FOXP1: variants seen among roughly 807,000 people sequenced by gnomAD.
The protein encoded by FOXP1 is forkhead box protein P1.
Under a neutral mutation model 98.2 loss-of-function variants are expected in FOXP1, and 15 were observed. That is an observed-to-expected ratio of 0.15 (90% CI 0.10 to 0.24). FOXP1 has a LOEUF of 0.24. Ranked by LOEUF, FOXP1 falls within the 10% of genes least tolerant of loss-of-function variation. The pLI, the probability that FOXP1 is intolerant of heterozygous loss-of-function variation, is 1.00. For missense variants in FOXP1, 633 were observed against 848.5 expected (o/e 0.75, Z 3.15); for synonymous variants, 371 against 314.5 (o/e 1.18, Z -1.90).
At chr3:70,998,780 G>A (rs1423056688) in intron 13 of FOXP1, among the ~76,000 whole-genome samples, 10 of 152,300 alleles carry the variant, frequency 6.6e-5, no homozygotes, top group Admixed American at 1.3e-4. Context: ...AAAACAACAT[G>A]AAAGCTGCCA....
At chr3:71,188,682 G>A (rs1219195530) in intron 6 of FOXP1, among the ~76,000 whole-genome samples, 1 of 152,132 alleles carries the variant, frequency 6.6e-6, no homozygotes, top group African/African-American at 2.4e-5. Flanking sequence ...CCTCCAAAGG[G>A]GATTACAGGC....
chr3:71,278,258 CCT>C (rs1298124591), intron 5 of FOXP1, among the ~76,000 whole-genome samples: 1 of 152,144 alleles, frequency 6.6e-6, no homozygotes, highest in African/African-American at 2.4e-5. Flanking sequence ...TGATATTATT[CCT>C]GTTTTTTACA....
intron 11 of FOXP1, among the ~76,000 whole-genome samples, chr3:71,016,929 T>A (rs1208367466): frequency 6.6e-6 from 1 of 151,974 alleles, no homozygotes; most frequent in African/African-American, 2.4e-5. Context: ...GACTTCTGAA[T>A]AATTTTGCTG....
At chr3:71,133,138 T>C (rs931981152) in intron 6 of FOXP1, among the ~76,000 whole-genome samples, 1 of 152,214 alleles carries the variant, frequency 6.6e-6, no homozygotes, top group Non-Finnish European at 1.5e-5. Context: ...CATTATAAAA[T>C]ATGTTCTTCC....
At chr3:71,084,344 G>C (rs1277254172) in intron 7 of FOXP1, among the ~76,000 whole-genome samples, 1 of 151,556 alleles carries the variant, frequency 6.6e-6, no homozygotes, top group East Asian at 1.9e-4. Flanking sequence ...AATTCTTTCA[G>C]TGTGTGTGGT....
chr3:71,490,469 G>A (rs2090982697), intron 3 of FOXP1, among the ~76,000 whole-genome samples: 1 of 151,730 alleles, frequency 6.6e-6, no homozygotes, highest in Non-Finnish European at 1.5e-5. Flanking sequence ...TTGCATTCCA[G>A]CCTGGGTGAC....
intron 6 of FOXP1, among the ~76,000 whole-genome samples, chr3:71,174,785 TACACACAC>T (rs3064896): frequency 4.0e-4 from 53 of 131,754 alleles, no homozygotes; most frequent in South Asian, 7.8e-4. Context: ...TGCACATGCA[TACACACAC>T]ACACACACAC....
intron 5 of FOXP1, among the ~76,000 whole-genome samples, chr3:71,232,110 G>A (rs1478840652): frequency 6.6e-6 from 1 of 152,226 alleles, no homozygotes; most frequent in East Asian, 1.9e-4. Flanking sequence ...AAGCTCATTT[G>A]GAAGGGGCTA....
intron 6 of FOXP1, among the ~76,000 whole-genome samples, chr3:71,166,019 A>T (rs1204618347): frequency 6.6e-6 from 1 of 152,226 alleles, no homozygotes; most frequent in Non-Finnish European, 1.5e-5. Context: ...AGTTCCCCAA[A>T]AGAATGACTC....
intron 2 of FOXP1, among the ~76,000 whole-genome samples, chr3:71,576,458 T>C (rs1164859746): frequency 6.6e-6 from 1 of 152,260 alleles, no homozygotes; most frequent in Non-Finnish European, 1.5e-5. Flanking sequence ...ATCAGTTCCA[T>C]TTGAGTAGAC....
intron 3 of FOXP1, among the ~76,000 whole-genome samples, chr3:71,466,661 C>T (rs544191392): frequency 8.7e-4 from 132 of 152,038 alleles, no homozygotes; most frequent in Non-Finnish European, 1.5e-3. Flanking sequence ...ACAATGGAGG[C>T]GGAGTCTGAT....
At chr3:71,470,300 C>G (rs2106669138) in intron 3 of FOXP1, among the ~76,000 whole-genome samples, 1 of 152,264 alleles carries the variant, frequency 6.6e-6, no homozygotes, top group African/African-American at 2.4e-5. Flanking sequence ...AGTTGTTATA[C>G]AGATAAAATC....
intron 6 of FOXP1, among the ~76,000 whole-genome samples, chr3:71,136,008 T>C (rs2059807161): frequency 6.6e-6 from 1 of 152,240 alleles, no homozygotes; most frequent in Non-Finnish European, 1.5e-5. Context: ...TTCCTTCTCC[T>C]GGAAGTTGGG....
intron 6 of FOXP1, among the ~76,000 whole-genome samples, chr3:71,122,671 C>T (rs1163255345): frequency 1.3e-5 from 2 of 152,166 alleles, no homozygotes; most frequent in Non-Finnish European, 2.9e-5. Flanking sequence ...TTGTTCCCAA[C>T]TTTTCTAAGG....
At chr3:70,988,985 T>C (rs547064925) in intron 13 of FOXP1, among the ~76,000 whole-genome samples, 1 of 151,998 alleles carries the variant, frequency 6.6e-6, no homozygotes, top group East Asian at 1.9e-4. Flanking sequence ...AGGGAGAGAA[T>C]ACAGTTTAAT....
intron 2 of FOXP1, among the ~76,000 whole-genome samples, chr3:71,576,275 G>A (rs78514414): frequency 0.011 from 1,621 of 152,226 alleles, 23 homozygotes; most frequent in African/African-American, 0.035. Context: ...TGAGTATAGA[G>A]AAGTAAATAG....
chr3:71,136,815 A>G (rs976958424), intron 6 of FOXP1, among the ~76,000 whole-genome samples: 1 of 26,314 alleles, frequency 3.8e-5, no homozygotes. Flanking sequence ...TCTGAGAAAT[A>G]CAACAAAAAA....
At chr3:71,456,437 T>C (rs1426286297) in intron 3 of FOXP1, among the ~76,000 whole-genome samples, 1 of 152,186 alleles carries the variant, frequency 6.6e-6, no homozygotes, top group African/African-American at 2.4e-5. Context: ...ATTCACAATG[T>C]ATGGAGCTGA....
At chr3:71,433,756 C>T (rs745650625) in intron 3 of FOXP1, among the ~76,000 whole-genome samples, 1 of 152,270 alleles carries the variant, frequency 6.6e-6, no homozygotes, top group Admixed American at 6.5e-5. Flanking sequence ...CCCATCCAAT[C>T]CCCCACGTGA....
Sources: allele counts gnomAD v4.1 joint callset (sites outside exome capture counted in the v4.1 genomes callset), GRCh38; gene constraint gnomAD v4.1.1; transcripts MANE v1.5; gene names NCBI Gene and HGNC (gene_info 2026-07-23, HGNC 2026-07-21).